The following MMD2 variants were observed in gnomAD, a reference collection of about 807,000 sequenced individuals.
The protein encoded by MMD2 is monocyte to macrophage differentiation factor 2.
MMD2 carries 30 observed loss-of-function variants against 33.5 expected under a neutral mutation model. The observed-to-expected ratio is 0.90, with a 90% CI of 0.67 to 1.22. The LOEUF (loss-of-function observed/expected upper bound fraction) is 1.22. Among genes scored for constraint, MMD2 ranks in the 50% most tolerant of loss-of-function variants. The probability of loss-of-function intolerance (pLI) is 0.00; values close to 1 mark genes in which losing one functional copy is unlikely to be tolerated. For synonymous variants in MMD2, 129 were observed against 123.0 expected, an observed-to-expected ratio of 1.05 and a Z score of -0.32; for missense variants, 364 against 325.4, an observed-to-expected ratio of 1.12 and a Z score of -0.91.
chr7:4,908,998 T>C (rs556923800), intron 6 of MMD2, among the ~76,000 whole-genome samples: 30 of 151,908 alleles, frequency 2.0e-4, no homozygotes, highest in African/African-American at 7.0e-4. Context: ...ACAATGTGAG[T>C]GTGCTTACTA....
At chr7:4,933,355 G>A (rs1785645539) in intron 1 of MMD2, among the ~76,000 whole-genome samples, 1 of 152,128 alleles carries the variant, frequency 6.6e-6, no homozygotes, top group South Asian at 2.1e-4. Context: ...GAGCATGATT[G>A]TCTCAAAATA....
At chr7:4,931,969 G>T (rs1408198050) in intron 1 of MMD2, among the ~76,000 whole-genome samples, 1 of 152,086 alleles carries the variant, frequency 6.6e-6, no homozygotes, top group Non-Finnish European at 1.5e-5. Flanking sequence ...CAACTATGAG[G>T]GTGTGGTTTG....
intron 1 of MMD2, among the ~76,000 whole-genome samples, chr7:4,928,071 C>G (rs949632551): frequency 1.3e-5 from 2 of 152,174 alleles, no homozygotes; most frequent in African/African-American, 4.8e-5. Flanking sequence ...CAGCCGGGAC[C>G]ACAGCAGCGT....
chr7:4,898,195 C>T, the MMD2 span, among the ~76,000 whole-genome samples: 490 of 152,288 alleles, frequency 3.2e-3, 1 homozygote, highest in Middle Eastern at 0.01. Flanking sequence ...ATCCTGTATT[C>T]CTCCTAGTGG....
At chr7:4,943,978 T>C (rs73322985) in intron 1 of MMD2, among the ~76,000 whole-genome samples, 5,427 of 151,790 alleles carry the variant, frequency 0.036, 332 homozygotes, top group African/African-American at 0.12. Context: ...ATTTTCTCTT[T>C]ATTTTTTGTA....
At chr7:4,916,632 C>T (rs955486783) in intron 3 of MMD2, among the ~76,000 whole-genome samples, 1 of 152,096 alleles carries the variant, frequency 6.6e-6, no homozygotes. Context: ...ATCCACCCGC[C>T]TCGGTCTCCT....
chr7:4,920,908 G>A (rs1785266934), intron 2 of MMD2, among the ~76,000 whole-genome samples: 1 of 151,902 alleles, frequency 6.6e-6, no homozygotes, highest in African/African-American at 2.4e-5. Context: ...TATAGAGGTG[G>A]GGTCTGGCTA....
intron 3 of MMD2, among the ~76,000 whole-genome samples, chr7:4,919,098 CA>C (rs975023715): frequency 8.3e-4 from 123 of 148,356 alleles, no homozygotes; most frequent in African/African-American, 2.7e-3. Flanking sequence ...GACCCCATCT[CA>C]AAAAAAAATA....
At chr7:4,939,486 T>G (rs910868631) in intron 1 of MMD2, among the ~76,000 whole-genome samples, 9 of 151,910 alleles carry the variant, frequency 5.9e-5, no homozygotes, top group African/African-American at 2.2e-4. Flanking sequence ...GAGGCAACAG[T>G]GAGCTATGAT....
intron 1 of MMD2, among the ~76,000 whole-genome samples, chr7:4,928,578 C>A (rs1013213834): frequency 6.6e-6 from 1 of 152,052 alleles, no homozygotes; most frequent in Admixed American, 6.6e-5. Context: ...GTGCTGACTC[C>A]ATGCTAAGTA....
At chr7:4,930,470 T>A (rs1785551068) in intron 1 of MMD2, among the ~76,000 whole-genome samples, 1 of 150,128 alleles carries the variant, frequency 6.7e-6, no homozygotes, top group Non-Finnish European at 1.5e-5. Context: ...CAATACCCCA[T>A]CTCTACTAAA....
intron 1 of MMD2, among the ~76,000 whole-genome samples, chr7:4,933,140 C>A (rs1289610617): frequency 6.6e-6 from 1 of 152,062 alleles, no homozygotes; most frequent in Admixed American, 6.6e-5. Context: ...CTTTGGGAGG[C>A]CGAGGCGAGA....
intron 4 of MMD2, among the ~76,000 whole-genome samples, chr7:4,915,041 G>A (rs1785105980): frequency 6.6e-6 from 1 of 152,226 alleles, no homozygotes; most frequent in Non-Finnish European, 1.5e-5. Flanking sequence ...GGGAGGCTGA[G>A]GCGGGAGGAT....
chr7:4,906,235 C>T lies in MMD2; in HGVS notation c.*1161G>A, dbSNP rs139409511. On this transcript the variant is annotated 3_prime_UTR_variant, in exon 7 of 7. Transcript: ENST00000401401. ...TGCTACTCACCTCCCCAGTAAATGT[C>T]CAGGCAGCATTGGACAGAGAGGCTG... 1.4e-5 allele frequency: 5 copies of T among 363,824 alleles called. No homozygotes were observed. The highest frequency in any genetic ancestry group is 8.3e-5 in the African/African-American group (4 of 48,076). 22.5% of individuals were successfully genotyped at this position (363,824 alleles called of 1,614,324 possible).
chr7:4,903,767 G>A (rs1387821181), downstream of MMD2, among the ~76,000 whole-genome samples: 2 of 152,218 alleles, frequency 1.3e-5, no homozygotes, highest in Non-Finnish European at 2.9e-5. Context: ...CTGAGCGCAG[G>A]TGCAGAGGCC....
At chr7:4,893,364 T>TTTTATTTA in the MMD2 span, among the ~76,000 whole-genome samples, 19,002 of 142,918 alleles carry the variant, frequency 0.13, 1,350 homozygotes, top group South Asian at 0.18. Flanking sequence ...TGGTTATTTC[T>TTTTATTTA]TTTATTTATT....
chr7:4,950,611 T>G (rs1786215378), intron 1 of MMD2, among the ~76,000 whole-genome samples: 1 of 152,178 alleles, frequency 6.6e-6, no homozygotes, highest in African/African-American at 2.4e-5. Context: ...TTTGTCCCCT[T>G]GGGGCTGATT....
Position 4,940,476 on chromosome 7 carries a change from A to G in MMD2, c.48-14944T>C, listed in dbSNP as rs1192810056. Among the ~76,000 whole-genome samples, 1 of 152,160 alleles carries G rather than the reference A, an allele frequency of 6.6e-6. No homozygotes were observed. Among genetic ancestry groups the G allele is most frequent in the African/African-American group, 2.4e-5 (1 of 41,456 alleles). On this transcript the variant is annotated intron_variant, in intron 1 of 6. Coordinates refer to ENST00000401401, the MANE Select transcript of MMD2 (RefSeq NM_198403.4). The surrounding 1 kb of genome is among the most constrained non-coding windows in gnomAD (Gnocchi z 5.0). ...ACTAGAGAGATTTGCCCGGGCTCCT[A>G]CACAAAGGGGGTTCTGTCCGTCTGT...
intron 3 of MMD2, among the ~76,000 whole-genome samples, chr7:4,916,489 T>C (rs527366787): frequency 6.6e-6 from 1 of 151,876 alleles, no homozygotes; most frequent in South Asian, 2.1e-4. Context: ...TTCAAGCCAT[T>C]TTCTTGCCTC....
Sources: allele counts gnomAD v4.1 joint callset (sites outside exome capture counted in the v4.1 genomes callset), GRCh38; gene constraint gnomAD v4.1.1; non-coding constraint Gnocchi (gnomAD v3.1); transcripts MANE v1.5; gene names NCBI Gene and HGNC (gene_info 2026-07-23, HGNC 2026-07-21).